The following MARCHF1 variants were observed in gnomAD, a reference collection of about 807,000 sequenced individuals.
MARCHF1 encodes the protein E3 ubiquitin-protein ligase MARCHF1.
In MARCHF1, 40 loss-of-function variants were observed where a neutral mutation model predicts 54.2. The ratio of observed to expected loss-of-function variants is 0.74; its 90% CI spans 0.57 to 0.96. The LOEUF is 0.96. Among genes scored for constraint, MARCHF1 ranks in the 40% least tolerant of loss-of-function variants. MARCHF1 has a pLI of 0.00. For missense variants in MARCHF1, 586 were observed against 656.5 expected (o/e 0.89, Z 1.17); for synonymous variants, 236 against 236.3 (o/e 1.00, Z 0.01).
rs72987787 is a variant in MARCHF1, at chr4:164,230,714, C to T, written c.-322-119052G>A. 6.9e-3 allele frequency among the ~76,000 whole-genome samples: 1,047 copies of T among 152,098 alleles called. 14 individuals carry two copies. Among genetic ancestry groups the T allele is most frequent in the African/African-American group, 0.024 (1,008 of 41,500 alleles). ...TCTGGACTACAATTGCTTTAGAGGC[C>T]CTTAGCCAGAACCACCCAGTTAAGC... On this transcript the variant is annotated intron_variant, in intron 1 of 9. Coordinates refer to ENST00000514618, the MANE Select transcript of MARCHF1 (RefSeq NM_001394959.1).
chr4:163,797,523 A>G (rs1274646210), intron 4 of MARCHF1, among the ~76,000 whole-genome samples: 1 of 152,082 alleles, frequency 6.6e-6, no homozygotes, highest in Non-Finnish European at 1.5e-5. Flanking sequence ...ATTGGTATAT[A>G]TTAGACATGT....
chr4:164,218,064 G>C (rs533844436), intron 1 of MARCHF1, among the ~76,000 whole-genome samples: 1 of 151,924 alleles, frequency 6.6e-6, no homozygotes, highest in South Asian at 2.1e-4. Context: ...ACTAGATCAA[G>C]ACTATGAGAA....
At chr4:163,734,565 C>T (rs996205895) in intron 4 of MARCHF1, among the ~76,000 whole-genome samples, 1 of 127,528 alleles carries the variant, frequency 7.8e-6, no homozygotes, top group Non-Finnish European at 1.8e-5. Context: ...GAAAAAAAAG[C>T]TCCTGCTTTT....
intron 4 of MARCHF1, among the ~76,000 whole-genome samples, chr4:163,852,598 T>TA (rs367983211): frequency 4.9e-4 from 75 of 152,292 alleles, no homozygotes; most frequent in African/African-American, 1.8e-3. Context: ...AACCATTCCC[T>TA]AAAACTTTGA....
chr4:164,124,489 A>C (rs1756138928), intron 1 of MARCHF1, among the ~76,000 whole-genome samples: 1 of 152,222 alleles, frequency 6.6e-6, no homozygotes, highest in Non-Finnish European at 1.5e-5. Flanking sequence ...TGTTTGCTGC[A>C]GCAGTGTTTA....
chr4:163,651,023 C>T lies in MARCHF1; in HGVS notation c.163-37630G>A, dbSNP rs183858856. On this transcript the variant is annotated intron_variant, in intron 5 of 9. Transcript: ENST00000514618. ...GTGACATGTCCTATCTAAAGCCACA[C>T]AGAAAACAGTATCCCAGTCTGACAC... Among the ~76,000 whole-genome samples, 3 of 152,034 alleles carry T rather than the reference C, an allele frequency of 2.0e-5. No individual in the cohort carries two copies. In the East Asian group the frequency reaches 5.8e-4, roughly 29 times the overall value.
chr4:163,613,460 T>C (rs1348113611), intron 5 of MARCHF1, 67 bp from the exon 6 acceptor site: 9 of 1,612,704 alleles, frequency 5.6e-6, no homozygotes, highest in Non-Finnish European at 7.6e-6. Context: ...TCTTGCTTTT[T>C]TTCCACATAT....
At chr4:163,801,366 T>C (rs1335289609) in intron 4 of MARCHF1, among the ~76,000 whole-genome samples, 1 of 152,020 alleles carries the variant, frequency 6.6e-6, no homozygotes, top group Non-Finnish European at 1.5e-5. Flanking sequence ...TAATACTTTA[T>C]GCACCAGTTC....
At chr4:164,128,956 T>G (rs187045142) in intron 1 of MARCHF1, among the ~76,000 whole-genome samples, 5 of 152,270 alleles carry the variant, frequency 3.3e-5, no homozygotes, top group Admixed American at 2.6e-4. Flanking sequence ...ATTTAACAAC[T>G]GTTCTGTTGT....
intron 5 of MARCHF1, among the ~76,000 whole-genome samples, chr4:163,666,533 C>A (rs1418362359): frequency 2.6e-5 from 4 of 152,210 alleles, no homozygotes; most frequent in East Asian, 3.9e-4. Context: ...CCATTTGCAT[C>A]TCCATAAATA....
At chr4:163,919,376 G>A (rs1163188431) in intron 3 of MARCHF1, among the ~76,000 whole-genome samples, 2 of 151,752 alleles carry the variant, frequency 1.3e-5, no homozygotes, top group Non-Finnish European at 2.9e-5. Context: ...CATGAAAAGG[G>A]AAGTAAAAAT....
At chr4:163,997,184 T>C (rs376318590) in intron 2 of MARCHF1, among the ~76,000 whole-genome samples, 12 of 151,900 alleles carry the variant, frequency 7.9e-5, no homozygotes, top group Admixed American at 3.3e-4. Context: ...CTCAGAGTAG[T>C]CTGAGAATGA....
intron 2 of MARCHF1, among the ~76,000 whole-genome samples, chr4:164,020,291 G>T (rs1379435179): frequency 6.6e-6 from 1 of 152,142 alleles, no homozygotes; most frequent in Admixed American, 6.6e-5. Flanking sequence ...ATCTAGTGAT[G>T]TTATACCAAG....
At chr4:163,983,962 AAATTTTTTTTTAGTAAAT>A (rs1301660194) in intron 3 of MARCHF1, among the ~76,000 whole-genome samples, 1 of 105,302 alleles carries the variant, frequency 9.5e-6, no homozygotes, top group African/African-American at 2.7e-5. Context: ...TTTTTACTAA[AAATTTTTTTTTAGTAAAT>A]TTTACTAAAA....
chr4:163,834,454 AATTT>A (rs1158877457), intron 4 of MARCHF1, among the ~76,000 whole-genome samples: 4 of 152,050 alleles, frequency 2.6e-5, no homozygotes, highest in African/African-American at 9.7e-5. Context: ...TCTTTTTTAA[AATTT>A]ATTATTATTA....
intron 1 of MARCHF1, among the ~76,000 whole-genome samples, chr4:164,259,093 G>T (rs1442279224): frequency 1.3e-5 from 2 of 152,080 alleles, no homozygotes; most frequent in Non-Finnish European, 2.9e-5. Flanking sequence ...TTCAGTAAAA[G>T]ATTTAGCAGT....
intron 1 of MARCHF1, among the ~76,000 whole-genome samples, chr4:164,143,901 C>T (rs1430918077): frequency 6.6e-6 from 1 of 152,142 alleles, no homozygotes; most frequent in Non-Finnish European, 1.5e-5. Flanking sequence ...AGTCAAGACC[C>T]ATCAGTGTGC....
intron 4 of MARCHF1, among the ~76,000 whole-genome samples, chr4:163,778,537 C>G (rs934332657): frequency 6.6e-6 from 1 of 151,978 alleles, no homozygotes; most frequent in African/African-American, 2.4e-5. Flanking sequence ...AATCTTTTGC[C>G]CATTTCTGGG....
At chr4:163,930,375 G>A (rs968139196) in intron 3 of MARCHF1, among the ~76,000 whole-genome samples, 1 of 151,896 alleles carries the variant, frequency 6.6e-6, no homozygotes, top group Non-Finnish European at 1.5e-5. Flanking sequence ...AGGACCTCAG[G>A]AGAGTTGGGA....
Sources: allele counts gnomAD v4.1 joint callset (sites outside exome capture counted in the v4.1 genomes callset), GRCh38; gene constraint gnomAD v4.1.1; transcripts MANE v1.5; gene names NCBI Gene and HGNC (gene_info 2026-07-23, HGNC 2026-07-21).